Variants in CELF2 observed in about 807,000 individuals in gnomAD.
The protein encoded by CELF2 is CUG triplet repeat RNA-binding protein 2.
In CELF2, 8 loss-of-function variants were observed where a neutral mutation model predicts 62.6. The observed-to-expected ratio is 0.13, with a 90% confidence interval of 0.07 to 0.23. CELF2 has a LOEUF of 0.23. CELF2 is among the 10% of genes least tolerant of loss of function. CELF2 has a pLI of 1.00. For synonymous variants in CELF2, 258 were observed against 250.0 expected (o/e 1.03, Z -0.30); for missense variants, 333 against 671.0 (o/e 0.50, Z 5.56).
At chr10:10,624,451 C>T in the CELF2 span, among the ~76,000 whole-genome samples, 1 of 152,186 alleles carries the variant, frequency 6.6e-6, no homozygotes, top group Non-Finnish European at 1.5e-5. Flanking sequence ...CAAAATGATT[C>T]AGGCTTTCAG....
At chr10:10,915,065 G>A (rs904307917) in intron 1 of CELF2, among the ~76,000 whole-genome samples, 4 of 151,840 alleles carry the variant, frequency 2.6e-5, no homozygotes, top group Admixed American at 2.0e-4. Flanking sequence ...CTGGGAGGCG[G>A]AGGTTGCAGT....
the CELF2 span, chr10:10,789,030 T>C: frequency 6.6e-6 from 1 of 151,952 alleles, no homozygotes; most frequent in East Asian, 1.9e-4. Context: ...TCAATTAGAG[T>C]AAGAGGAAAG....
rs77614584 is a variant in CELF2 at position 11,309,715 on chromosome 10, T to C, written c.977-4424T>C. Among the ~76,000 whole-genome samples the C allele has an allele frequency of 0.063, 9,609 of 152,318 alleles. 423 individuals carry two copies. Among genetic ancestry groups the C allele is most frequent in the Non-Finnish European group, 0.09 (6,130 of 68,010 alleles). On this transcript the variant is annotated intron_variant, in intron 9 of 12. Coordinates refer to ENST00000633077, the MANE Select transcript of CELF2 (RefSeq NM_001326342.2). The surrounding 1 kb of genome is among the most constrained non-coding windows in gnomAD (Gnocchi z 5.6). ...GCTCTGATCCCAGGAGGACTCTTTCTGGCTGTCCCTTTCCCTGCCCTCTCT... is the reference window on the plus strand; with the variant it reads ...GCTCTGATCCCAGGAGGACTCTTTCCGGCTGTCCCTTTCCCTGCCCTCTCT...
chr10:11,056,724 C>T (rs1230865944), intron 1 of CELF2, among the ~76,000 whole-genome samples: 1 of 152,166 alleles, frequency 6.6e-6, no homozygotes, highest in Non-Finnish European at 1.5e-5. Context: ...GATGCATTTT[C>T]ATGAAGATAG....
chr10:11,134,596 C>T (rs2060133475), intron 1 of CELF2, among the ~76,000 whole-genome samples: 1 of 152,210 alleles, frequency 6.6e-6, no homozygotes, highest in African/African-American at 2.4e-5. Context: ...TGTGGAGCCA[C>T]AGACTGTGTG....
At chr10:10,824,786 A>T (rs377218712) in intron 1 of CELF2, among the ~76,000 whole-genome samples, 1 of 152,224 alleles carries the variant, frequency 6.6e-6, no homozygotes, top group African/African-American at 2.4e-5. Flanking sequence ...ACATAAGAAC[A>T]TATTTAGAAC....
intron 1 of CELF2, among the ~76,000 whole-genome samples, chr10:10,881,116 C>T (rs992447662): frequency 2.6e-5 from 4 of 152,294 alleles, no homozygotes; most frequent in East Asian, 1.9e-4. Context: ...GTTACTAGGA[C>T]GTGATTCTAT....
At chr10:11,240,686 G>A (rs555185835) in intron 3 of CELF2, among the ~76,000 whole-genome samples, 2 of 152,162 alleles carry the variant, frequency 1.3e-5, no homozygotes, top group South Asian at 4.2e-4. Context: ...TTGTTCTTGG[G>A]CTAATTGTTA....
At chr10:10,475,030 T>C in the CELF2 span, among the ~76,000 whole-genome samples, 18 of 152,256 alleles carry the variant, frequency 1.2e-4, no homozygotes, top group South Asian at 8.3e-4. Flanking sequence ...ACTGAGAAGA[T>C]GCCAAGTTCA....
the CELF2 span, among the ~76,000 whole-genome samples, chr10:10,649,886 C>T: frequency 6.6e-6 from 1 of 152,128 alleles, no homozygotes; most frequent in African/African-American, 2.4e-5. Flanking sequence ...GCAGCTGTTC[C>T]TCTGCTCACT....
the CELF2 span, among the ~76,000 whole-genome samples, chr10:10,748,951 G>A: frequency 3.2e-4 from 49 of 152,074 alleles, 2 homozygotes; most frequent in Admixed American, 3.1e-3. Context: ...AGTGAGATGA[G>A]AATGTCAAAG....
At chr10:10,668,693 C>G in the CELF2 span, among the ~76,000 whole-genome samples, 1 of 152,186 alleles carries the variant, frequency 6.6e-6, no homozygotes, top group African/African-American at 2.4e-5. Context: ...CACAGTGGCT[C>G]ATGCCTGTAA....
the CELF2 span, among the ~76,000 whole-genome samples, chr10:10,684,347 C>T: frequency 3.9e-5 from 6 of 152,178 alleles, no homozygotes; most frequent in African/African-American, 9.7e-5. Context: ...TGCTGTTCTA[C>T]GTCCCGCCTT....
intron 5 of CELF2, among the ~76,000 whole-genome samples, chr10:11,259,586 C>T (rs189814586): frequency 1.6e-4 from 24 of 152,234 alleles, no homozygotes; most frequent in Non-Finnish European, 1.9e-4. Flanking sequence ...ATCCAGTATC[C>T]GGGGCTCCTC....
At position 11,018,007 on chromosome 10, in the gene CELF2, C is replaced by T. The variant is rs917100014; in HGVS notation, c.-83C>T. ...GCCGGGGGAGGCCGCGCGCACCTGTCCCTGCCCGTCTCGCGCCGCCCGCGG... is the reference window on the plus strand; with the variant it reads ...GCCGGGGGAGGCCGCGCGCACCTGTTCCTGCCCGTCTCGCGCCGCCCGCGG... On this transcript the variant is annotated 5_prime_UTR_variant, in exon 1 of 13. Transcript: ENST00000633077. 38 of 1,048,506 alleles carry T rather than the reference C, an allele frequency of 3.6e-5. No homozygotes were observed. Among genetic ancestry groups the T allele is most frequent in the Non-Finnish European group, 4.3e-5 (38 of 875,554 alleles). The allele number at this position is 1,048,506 out of a possible 1,614,324, so 65.0% of individuals were successfully genotyped here. A position where few individuals can be genotyped will look rare whatever the true frequency, so the allele number is the denominator to read the frequency against.
chr10:11,204,710 G>A (rs993052501), intron 2 of CELF2, among the ~76,000 whole-genome samples: 1 of 152,238 alleles, frequency 6.6e-6, no homozygotes, highest in Non-Finnish European at 1.5e-5. Flanking sequence ...AAATCCAGCT[G>A]CTGGAAACCC....
the CELF2 span, among the ~76,000 whole-genome samples, chr10:10,644,630 G>C: frequency 8.5e-5 from 13 of 152,122 alleles, no homozygotes; most frequent in African/African-American, 2.2e-4. Flanking sequence ...GCCTGGGCGA[G>C]GTATAGGAAG....
chr10:10,994,937 C>T (rs1480748321), intron 2 of CELF2, among the ~76,000 whole-genome samples: 1 of 152,152 alleles, frequency 6.6e-6, no homozygotes, highest in Non-Finnish European at 1.5e-5. Context: ...CCCTCCATGT[C>T]CTACCCCAGT....
chr10:11,155,055 C>T (rs988869467), intron 1 of CELF2, among the ~76,000 whole-genome samples: 2 of 152,210 alleles, frequency 1.3e-5, no homozygotes, highest in Admixed American at 6.5e-5. Context: ...CATCTCAGCT[C>T]ATCCCTGAGG....
Sources: allele counts gnomAD v4.1 joint callset (sites outside exome capture counted in the v4.1 genomes callset), GRCh38; gene constraint gnomAD v4.1.1; non-coding constraint Gnocchi (gnomAD v3.1); transcripts MANE v1.5; gene names NCBI Gene and HGNC (gene_info 2026-07-23, HGNC 2026-07-21).